Variants in CDH13 observed in about 807,000 individuals in gnomAD.
CDH13 encodes the protein cadherin 13, also known as cadherin-13.
Under a neutral mutation model 63.8 loss-of-function variants are expected in CDH13, and 24 were observed. The observed-to-expected ratio is 0.38, with a 90% confidence interval of 0.27 to 0.53. CDH13 has a LOEUF of 0.53. CDH13 is among the 20% of genes least tolerant of loss of function. The pLI, the probability that CDH13 is intolerant of heterozygous loss-of-function variation, is 0.85. For missense variants in CDH13, 1,049 were observed against 903.1 expected, an observed-to-expected ratio of 1.16 and a Z score of -2.07; for synonymous variants, 503 against 355.3, an observed-to-expected ratio of 1.42 and a Z score of -4.67.
chr16:83,010,158 A>AAAAAAAAAAAAAAAAAAAAG (rs1555561348), intron 2 of CDH13, among the ~76,000 whole-genome samples: 1 of 136,728 alleles, frequency 7.3e-6, no homozygotes, highest in Non-Finnish European at 1.6e-5. Flanking sequence ...AAAAAAAAAA[A>AAAAAAAAAAAAAAAAAAAAG]AAAACAAGAA....
At chr16:83,500,693 C>T (rs2074264810) in intron 7 of CDH13, among the ~76,000 whole-genome samples, 1 of 149,284 alleles carries the variant, frequency 6.7e-6, no homozygotes, top group African/African-American at 2.5e-5. Context: ...GCACCTCAGC[C>T]TCCTGAGTAG....
chr16:83,670,759 T>C, intron 8 of CDH13, 31 bp from the exon 9 acceptor site: 1 of 1,607,236 alleles, frequency 6.2e-7, no homozygotes, highest in Non-Finnish European at 8.5e-7. Context: ...GTTTTCAAAA[T>C]AGTGACCATT....
At chr16:83,647,983 A>C (rs1488291609) in intron 8 of CDH13, among the ~76,000 whole-genome samples, 1 of 152,214 alleles carries the variant, frequency 6.6e-6, no homozygotes, top group Non-Finnish European at 1.5e-5. Flanking sequence ...TGATAAGGTA[A>C]CAGCATTATC....
intron 10 of CDH13, among the ~76,000 whole-genome samples, chr16:83,702,205 A>G (rs1452165332): frequency 1.3e-5 from 2 of 152,190 alleles, no homozygotes; most frequent in Non-Finnish European, 2.9e-5. Context: ...CTTGGTACTC[A>G]CTTGGCATAG....
chr16:83,154,426 G>C (rs1254429276), intron 4 of CDH13, among the ~76,000 whole-genome samples: 1 of 151,900 alleles, frequency 6.6e-6, no homozygotes, highest in Non-Finnish European at 1.5e-5. Context: ...AATTAGCAAG[G>C]TGTGGTGGCA....
At chr16:83,010,113 C>T (rs901486831) in intron 2 of CDH13, among the ~76,000 whole-genome samples, 2 of 90,004 alleles carry the variant, frequency 2.2e-5, no homozygotes, top group Non-Finnish European at 4.1e-5. Context: ...CCAGGCTGGG[C>T]AACAAGAGCA....
chr16:83,495,176 C>T (rs1478514514), intron 7 of CDH13, among the ~76,000 whole-genome samples: 1 of 152,036 alleles, frequency 6.6e-6, no homozygotes, highest in African/African-American at 2.4e-5. Context: ...GAACATATGC[C>T]CAAGGTGGTC....
intron 3 of CDH13, among the ~76,000 whole-genome samples, chr16:83,041,022 C>G (rs572145170): frequency 3.0e-4 from 46 of 152,268 alleles, no homozygotes; most frequent in African/African-American, 1.1e-3. Flanking sequence ...ATAGGAAGCA[C>G]TGACTAAACT....
At chr16:83,087,020 G>C (rs2033634979) in intron 3 of CDH13, among the ~76,000 whole-genome samples, 1 of 152,184 alleles carries the variant, frequency 6.6e-6, no homozygotes, top group Non-Finnish European at 1.5e-5. Context: ...AACTGGCTTT[G>C]GCGGACTAAG....
chr16:83,084,327 T>G (rs973073254), intron 3 of CDH13, among the ~76,000 whole-genome samples: 2 of 152,164 alleles, frequency 1.3e-5, no homozygotes, highest in African/African-American at 4.8e-5. Context: ...AGTTTTTGTT[T>G]GTCTCTTGTG....
At chr16:83,445,986 T>C (rs1000070673) in intron 6 of CDH13, among the ~76,000 whole-genome samples, 8 of 152,172 alleles carry the variant, frequency 5.3e-5, no homozygotes, top group South Asian at 2.1e-4. Flanking sequence ...CCCATCAAAC[T>C]TTTTTATTGG....
At chr16:83,199,184 C>T (rs1171456649) in intron 4 of CDH13, among the ~76,000 whole-genome samples, 2 of 152,214 alleles carry the variant, frequency 1.3e-5, no homozygotes, top group Non-Finnish European at 2.9e-5. Flanking sequence ...GGGCCAGGGA[C>T]GTGCCTTGTG....
At chr16:83,283,748 T>G (rs180783190) in intron 5 of CDH13, among the ~76,000 whole-genome samples, 126 of 152,298 alleles carry the variant, frequency 8.3e-4, no homozygotes, top group African/African-American at 3.0e-3. Flanking sequence ...AGGTCTTAGT[T>G]TGAGCTGGAA....
intron 6 of CDH13, among the ~76,000 whole-genome samples, chr16:83,421,727 G>C (rs10514572): frequency 0.22 from 33,891 of 152,072 alleles, 4,285 homozygotes; most frequent in East Asian, 0.52. Context: ...TGTTGTTAGC[G>C]TCCAGTAAGG....
rs190885656 is a variant in CDH13 at position 83,070,202 on chromosome 16, C to A, written c.366+37984C>A. 2.0e-5 allele frequency among the ~76,000 whole-genome samples: 3 copies of A among 152,226 alleles called. No homozygotes were observed. The South Asian group carries it at 6.2e-4, about 32-fold the overall frequency. ...TTCTAGAGAACTTTAAAATCATTAACTATCCTTTAAAAACTCACTCTTGGA... is the reference window on the plus strand; with the variant it reads ...TTCTAGAGAACTTTAAAATCATTAAATATCCTTTAAAAACTCACTCTTGGA... On this transcript the variant is annotated intron_variant, in intron 3 of 13. Transcript: ENST00000567109.
At chr16:82,751,515 C>A (rs1388556003) in intron 1 of CDH13, among the ~76,000 whole-genome samples, 1 of 152,046 alleles carries the variant, frequency 6.6e-6, no homozygotes, top group African/African-American at 2.4e-5. Flanking sequence ...CTAGCATGGA[C>A]CAGAGCTCTG....
At chr16:83,105,967 G>A (rs112957109) in intron 3 of CDH13, among the ~76,000 whole-genome samples, 3,369 of 152,266 alleles carry the variant, frequency 0.022, 124 homozygotes, top group African/African-American at 0.077. Context: ...ATGTGGTTGG[G>A]ACCACAAAAG....
chr16:83,383,968 C>A (rs184467059), intron 6 of CDH13, among the ~76,000 whole-genome samples: 3 of 152,096 alleles, frequency 2.0e-5, no homozygotes, highest in Admixed American at 6.6e-5. Flanking sequence ...ACATATACAT[C>A]CACACAAATA....
intron 4 of CDH13, among the ~76,000 whole-genome samples, chr16:83,153,203 G>C (rs1272436735): frequency 6.6e-6 from 1 of 152,164 alleles, no homozygotes; most frequent in African/African-American, 2.4e-5. Flanking sequence ...GAGGGGCAGT[G>C]AGTTGGGGAG....
Sources: allele counts gnomAD v4.1 joint callset (sites outside exome capture counted in the v4.1 genomes callset), GRCh38; gene constraint gnomAD v4.1.1; transcripts MANE v1.5; gene names NCBI Gene and HGNC (gene_info 2026-07-23, HGNC 2026-07-21).